ROBO2: variants seen among roughly 807,000 people sequenced by gnomAD.
ROBO2 encodes roundabout guidance receptor 2, also known as roundabout homolog 2.
In ROBO2, 53 loss-of-function variants were observed where a neutral mutation model predicts 160.8. The observed-to-expected ratio is 0.33, with a 90% CI of 0.26 to 0.41. The LOEUF is 0.41. ROBO2 is among the 10% of genes least tolerant of loss of function. ROBO2 has a pLI of 1.00. For synonymous variants in ROBO2, 664 were observed against 611.7 expected (o/e 1.09, Z -1.26); for missense variants, 1,577 against 1,722.4 (o/e 0.92, Z 1.49).
Position 77,040,441 on chromosome 3 carries a change from G to T in ROBO2, c.-345G>T. On this transcript the variant is annotated 5_prime_UTR_variant, in exon 1 of 26. In the 5' UTR this introduces an upstream ATG that the reference lacks. Coordinates refer to ENST00000461745, the Ensembl canonical transcript of ROBO2. ...CCCCTTCATCATCTTGACTTCTGAA[G>T]GAAGAACTTGGCTTTGGATTGCAGT... 11 of 1,073,698 alleles carry T rather than the reference G, an allele frequency of 1.0e-5. No homozygotes were observed. The highest frequency in any genetic ancestry group is 1.2e-5 in the Non-Finnish European group (11 of 887,298). 66.5% of individuals were successfully genotyped at this position (1,073,698 alleles called of 1,614,324 possible). A position where few individuals can be genotyped will look rare whatever the true frequency, so the allele number is the denominator to read the frequency against.
intron 2 of ROBO2, among the ~76,000 whole-genome samples, chr3:76,700,056 G>A (rs2093014967): frequency 6.6e-6 from 1 of 152,070 alleles, no homozygotes; most frequent in African/African-American, 2.4e-5. Context: ...CTAGTTCTCA[G>A]GGTGGGTGCT....
At chr3:76,658,106 AAATAAAT>A (rs1336004679) in intron 2 of ROBO2, among the ~76,000 whole-genome samples, 80 of 142,354 alleles carry the variant, frequency 5.6e-4, no homozygotes, top group African/African-American at 1.9e-3. Context: ...ATAAATAAAT[AAATAAAT>A]AAAATATGTT....
At chr3:77,134,563 T>C (rs987887150) in intron 2 of ROBO2, among the ~76,000 whole-genome samples, 1 of 152,172 alleles carries the variant, frequency 6.6e-6, no homozygotes, top group African/African-American at 2.4e-5. Context: ...AGACACAGGC[T>C]CTATCTATGC....
intron 2 of ROBO2, among the ~76,000 whole-genome samples, chr3:76,549,661 A>G (rs2083303321): frequency 6.6e-6 from 1 of 152,324 alleles, no homozygotes; most frequent in African/African-American, 2.4e-5. Context: ...GTGACCATCA[A>G]TAACGTAGTG....
chr3:76,305,347 C>A (rs2071281951), intron 2 of ROBO2, among the ~76,000 whole-genome samples: 1 of 112,450 alleles, frequency 8.9e-6, no homozygotes, highest in African/African-American at 3.5e-5. Flanking sequence ...GTCATGATCT[C>A]ACCACTGCAC....
intron 2 of ROBO2, among the ~76,000 whole-genome samples, chr3:77,262,175 G>A (rs1198198914): frequency 6.6e-6 from 1 of 152,110 alleles, no homozygotes; most frequent in Non-Finnish European, 1.5e-5. Context: ...ATAGCTGGAG[G>A]ATATCTTTGA....
In ROBO2 at chr3:76,789,765, G is replaced by T. The variant is rs2063229587; in HGVS notation, c.110-308249G>T. 2.6e-5 allele frequency among the ~76,000 whole-genome samples: 4 copies of T among 151,688 alleles called. No individual in the cohort carries two copies. The South Asian group carries it at 8.3e-4, about 31-fold the overall frequency. On this transcript the variant is annotated intron_variant, in intron 2 of 26. Coordinates refer to the ROBO2 transcript ENST00000487694. ...ATCCAATTTAGAGGACAGCAAATTTGATTTAAGAAATAGAACGTCAAGAAA... is the reference window on the plus strand; with the variant it reads ...ATCCAATTTAGAGGACAGCAAATTTTATTTAAGAAATAGAACGTCAAGAAA...
chr3:76,465,368 A>T (rs973246084), intron 2 of ROBO2, among the ~76,000 whole-genome samples: 1 of 152,108 alleles, frequency 6.6e-6, no homozygotes, highest in Admixed American at 6.6e-5. Flanking sequence ...ATGAAAAAAT[A>T]GTGGGTAATA....
chr3:76,879,112 A>G (rs912079222), intron 2 of ROBO2, among the ~76,000 whole-genome samples: 1 of 152,128 alleles, frequency 6.6e-6, no homozygotes, highest in African/African-American at 2.4e-5. Flanking sequence ...TCATCAGGTG[A>G]TTTTCCTAAT....
chr3:76,543,707 T>C (rs1000404207), intron 2 of ROBO2, among the ~76,000 whole-genome samples: 9 of 152,076 alleles, frequency 5.9e-5, no homozygotes, highest in Admixed American at 5.2e-4. Flanking sequence ...TCAAAGAGTA[T>C]GCATTTACTA....
chr3:76,160,440 GT>G (rs966591533), intron 2 of ROBO2, among the ~76,000 whole-genome samples: 2 of 129,644 alleles, frequency 1.5e-5, no homozygotes, highest in African/African-American at 4.9e-5. Context: ...GTTGGCAATT[GT>G]TTTTGCTTTT....
At chr3:77,276,640 T>C (rs779369541) in intron 2 of ROBO2, among the ~76,000 whole-genome samples, 29 of 152,142 alleles carry the variant, frequency 1.9e-4, no homozygotes, top group Non-Finnish European at 3.1e-4. Context: ...TGGTTCCAGC[T>C]ACTCGGGAGG....
chr3:76,633,605 G>A (rs13092263), intron 2 of ROBO2, among the ~76,000 whole-genome samples: 32,420 of 152,044 alleles, frequency 0.21, 3,642 homozygotes, highest in Middle Eastern at 0.28. Context: ...CTGGGAACAT[G>A]GCCTGGTTGA....
At chr3:77,207,890 C>T (rs958257441) in intron 2 of ROBO2, among the ~76,000 whole-genome samples, 1 of 152,156 alleles carries the variant, frequency 6.6e-6, no homozygotes, top group African/African-American at 2.4e-5. Flanking sequence ...CTTTTCAAAA[C>T]GCGTGGGCAC....
At chr3:77,083,392 G>A (rs1223590977) in intron 1 of ROBO2, among the ~76,000 whole-genome samples, 1 of 152,146 alleles carries the variant, frequency 6.6e-6, no homozygotes, top group African/African-American at 2.4e-5. Flanking sequence ...TTCTGGCCAA[G>A]GGAGTATAAA....
intron 2 of ROBO2, among the ~76,000 whole-genome samples, chr3:76,049,399 A>ATTT (rs1204742605): frequency 0.014 from 683 of 50,074 alleles, 26 homozygotes; most frequent in African/African-American, 0.086. Context: ...ATATATATAT[A>ATTT]TATATTTTTT....
rs111306993 is a variant in ROBO2 at position 76,462,668 on chromosome 3, G to T, written c.109+525066G>T. On this transcript the variant is annotated intron_variant, in intron 2 of 26. Coordinates refer to the ROBO2 transcript ENST00000487694. ...AAAATACCAGAATGCATCACAGGGA[G>T]TAAGAGGAAATATAGCTTGTTTATT... 3.4e-3 allele frequency among the ~76,000 whole-genome samples: 521 copies of T among 151,782 alleles called. 6 individuals carry two copies. The highest frequency in any genetic ancestry group is 0.012 in the African/African-American group (502 of 41,412).
intron 2 of ROBO2, among the ~76,000 whole-genome samples, chr3:76,630,796 A>G (rs566464219): frequency 6.6e-6 from 1 of 152,374 alleles, no homozygotes; most frequent in Admixed American, 6.5e-5. Flanking sequence ...TGAAGATAGA[A>G]TATCTGCAGC....
intron 2 of ROBO2, among the ~76,000 whole-genome samples, chr3:76,786,908 T>C (rs921826653): frequency 1.3e-5 from 2 of 151,396 alleles, no homozygotes; most frequent in African/African-American, 4.8e-5. Flanking sequence ...AGAGGTTTAA[T>C]TGACTCATAG....
Sources: gnomAD v4.1 joint callset for allele counts (sites outside exome capture counted in the v4.1 genomes callset) on GRCh38, gnomAD v4.1.1 for gene constraint, MANE v1.5 for transcripts, NCBI Gene and HGNC (gene_info 2026-07-23, HGNC 2026-07-21) for gene names.